The following DNAH7 variants were observed in gnomAD, a reference collection of about 807,000 sequenced individuals.
The protein encoded by DNAH7 is dynein axonemal heavy chain 7.
In DNAH7, 397 loss-of-function variants were observed where a neutral mutation model predicts 444.6. That is an observed-to-expected ratio of 0.89 (90% CI 0.82 to 0.97). DNAH7 has a LOEUF of 0.97. Among genes scored for constraint, DNAH7 ranks in the 50% least tolerant of loss-of-function variants. The probability of loss-of-function intolerance (pLI) is 0.00; values close to 1 mark genes in which losing one functional copy is unlikely to be tolerated. For missense variants in DNAH7, 4,902 were observed against 4,800.8 expected (o/e 1.02, Z -0.62); for synonymous variants, 1,636 against 1,624.4 (o/e 1.01, Z -0.17).
In DNAH7 at chr2:195,750,758, A is replaced by G. The variant is rs545428155; in HGVS notation, c.11764+3579T>C. On this transcript the variant is annotated intron_variant, in intron 63 of 64. Transcript: ENST00000312428. ...AGCCATAGGGGTATTGTGAGGATTCAGTGTAATGGACTGGGCAGCCCAGCA... is the reference window on the plus strand; with the variant it reads ...AGCCATAGGGGTATTGTGAGGATTCGGTGTAATGGACTGGGCAGCCCAGCA... Among the ~76,000 whole-genome samples the G allele has an allele frequency of 5.3e-5, 8 of 152,316 alleles. No individual in the cohort carries two copies. The South Asian group carries it at 1.2e-3, about 24-fold the overall frequency.
At chr2:195,738,316 A>T (rs543734443) in intron 64 of DNAH7, among the ~76,000 whole-genome samples, 189 bp from the exon 65 acceptor site, 118 of 152,324 alleles carry the variant, frequency 7.7e-4, no homozygotes, top group Non-Finnish European at 1.6e-3. Context: ...TGAAAAAAAT[A>T]GTTTTCGCCT....
At chr2:195,875,587 C>A in intron 38 of DNAH7, 88 bp downstream of exon 38, 1 of 1,296,966 alleles carries the variant, frequency 7.7e-7, no homozygotes, top group Non-Finnish European at 1.1e-6. Flanking sequence ...AACACTGCAA[C>A]TCAAAAGAGG....
chr2:195,837,957 AG>A (rs1698465081), intron 47 of DNAH7, among the ~76,000 whole-genome samples: 1 of 152,180 alleles, frequency 6.6e-6, no homozygotes, highest in East Asian at 1.9e-4. Context: ...AGTATAAAAA[AG>A]GTGCCCCTGG....
chr2:195,926,639 T>C, intron 21 of DNAH7, 73 bp from the exon 22 acceptor site: 1 of 1,342,058 alleles, frequency 7.5e-7, no homozygotes. Context: ...TAAACTAAAC[T>C]AGATTAATTC....
chr2:195,777,644 C>T (rs902763793), intron 59 of DNAH7, among the ~76,000 whole-genome samples, 156 bp downstream of exon 59: 2 of 152,148 alleles, frequency 1.3e-5, no homozygotes, highest in African/African-American at 2.4e-5. Context: ...CCACCTATAG[C>T]GTGAGCTTTG....
At chr2:195,949,401 C>T (rs576777209) in intron 19 of DNAH7, among the ~76,000 whole-genome samples, 2 of 152,166 alleles carry the variant, frequency 1.3e-5, no homozygotes, top group African/African-American at 2.4e-5. Context: ...CTCCTGTCTT[C>T]GCTTCCTGAG....
At chr2:195,876,824 G>A in intron 36 of DNAH7, 125 bp from the exon 37 acceptor site, 1 of 657,396 alleles carries the variant, frequency 1.5e-6, no homozygotes, top group Non-Finnish European at 2.5e-6. Flanking sequence ...TGTACAAATA[G>A]ATGGAATCAG....
chr2:195,850,832 G>A (rs1369733673), intron 46 of DNAH7, among the ~76,000 whole-genome samples: 1 of 152,120 alleles, frequency 6.6e-6, no homozygotes, highest in Admixed American at 6.5e-5. Flanking sequence ...CCAATAAAGG[G>A]TGAGGGACCA....
intron 2 of DNAH7, among the ~76,000 whole-genome samples, chr2:196,054,182 A>G (rs1349956426): frequency 1.3e-5 from 2 of 152,172 alleles, no homozygotes; most frequent in Non-Finnish European, 2.9e-5. Flanking sequence ...CTTAACTCCA[A>G]CTGTAAGTAA....
chr2:195,987,838 A>G, intron 13 of DNAH7, 119 bp downstream of exon 13: 1 of 1,022,196 alleles, frequency 9.8e-7, no homozygotes, highest in South Asian at 1.8e-5. Context: ...AAGCTCAATA[A>G]ATATTTTTCC....
At chr2:196,051,718 G>C (rs986572874) in intron 2 of DNAH7, among the ~76,000 whole-genome samples, 6 of 152,050 alleles carry the variant, frequency 3.9e-5, no homozygotes, top group Non-Finnish European at 7.4e-5. Context: ...AGTGAGCAGA[G>C]ATCGCACCAC....
chr2:195,756,045 A>G, intron 62 of DNAH7, 88 bp downstream of exon 62: 1 of 1,342,222 alleles, frequency 7.5e-7, no homozygotes, highest in Non-Finnish European at 1.0e-6. Flanking sequence ...GAAAAACTAG[A>G]GAGTAATACT....
intron 61 of DNAH7, among the ~76,000 whole-genome samples, chr2:195,759,349 C>T (rs182026348): frequency 2.0e-5 from 3 of 152,242 alleles, no homozygotes; most frequent in Non-Finnish European, 4.4e-5. Flanking sequence ...GGATTCATCA[C>T]CTGCTGACTA....
chr2:195,739,740 C>A (rs1333121506), intron 64 of DNAH7, among the ~76,000 whole-genome samples: 1 of 152,158 alleles, frequency 6.6e-6, no homozygotes, highest in Non-Finnish European at 1.5e-5. Flanking sequence ...ATCCTAAAAT[C>A]AATTGGCAGC....
chr2:195,828,610 A>ATATT (rs1221447006), intron 48 of DNAH7, among the ~76,000 whole-genome samples: 3 of 135,116 alleles, frequency 2.2e-5, no homozygotes, highest in African/African-American at 8.4e-5. Context: ...ATATATATAT[A>ATATT]TTTTTTTTTT....
intron 19 of DNAH7, among the ~76,000 whole-genome samples, chr2:195,943,816 T>C (rs1352375259): frequency 6.6e-6 from 1 of 152,164 alleles, no homozygotes; most frequent in Non-Finnish European, 1.5e-5. Context: ...GATTATTCTA[T>C]TTCATAGCTC....
intron 46 of DNAH7, among the ~76,000 whole-genome samples, chr2:195,845,779 A>G (rs1394256299): frequency 6.6e-6 from 1 of 152,250 alleles, no homozygotes; most frequent in Non-Finnish European, 1.5e-5. Flanking sequence ...TATTCAATAA[A>G]TGGTGCTAGG....
intron 21 of DNAH7, among the ~76,000 whole-genome samples, chr2:195,927,508 TAAATA>T (rs914857120): frequency 4.1e-5 from 6 of 146,294 alleles, no homozygotes; most frequent in Non-Finnish European, 7.7e-5. Flanking sequence ...GAGAAGCAAG[TAAATA>T]AATAAATAAA....
At chr2:196,041,843 T>C (rs937795597) in intron 5 of DNAH7, among the ~76,000 whole-genome samples, 1 of 151,552 alleles carries the variant, frequency 6.6e-6, no homozygotes, top group Non-Finnish European at 1.5e-5. Context: ...TATAAGGAAC[T>C]CAAACAACTC....
Sources: gnomAD v4.1 joint callset for allele counts (sites outside exome capture counted in the v4.1 genomes callset) on GRCh38, gnomAD v4.1.1 for gene constraint, MANE v1.5 for transcripts, NCBI Gene and HGNC (gene_info 2026-07-23, HGNC 2026-07-21) for gene names.